Variants in RASGRF2 observed in about 807,000 individuals in gnomAD.
RASGRF2 encodes the protein ras-specific guanine nucleotide-releasing factor 2.
In RASGRF2, 76 loss-of-function variants were observed where a neutral mutation model predicts 151.0. The ratio of observed to expected loss-of-function variants is 0.50; its 90% CI spans 0.42 to 0.61. The LOEUF is 0.61. RASGRF2 is among the 20% of genes least tolerant of loss of function. The pLI, the probability that RASGRF2 is intolerant of heterozygous loss-of-function variation, is 0.00. For synonymous variants in RASGRF2, 504 were observed against 566.5 expected, an observed-to-expected ratio of 0.89 and a Z score of 1.57; for missense variants, 1,148 against 1,564.6, an observed-to-expected ratio of 0.73 and a Z score of 4.49.
chr5:80,965,172 A>G (rs1262586875), intron 1 of RASGRF2, among the ~76,000 whole-genome samples: 1 of 152,060 alleles, frequency 6.6e-6, no homozygotes, highest in African/African-American at 2.4e-5. Context: ...AATTGACCAC[A>G]AGCAGAGGAT....
chr5:81,208,831 G>A (rs576269729), intron 22 of RASGRF2, among the ~76,000 whole-genome samples: 14 of 152,048 alleles, frequency 9.2e-5, no homozygotes, highest in Non-Finnish European at 1.8e-4. Context: ...GATTACAGGC[G>A]TGAGCCACCG....
intron 16 of RASGRF2, among the ~76,000 whole-genome samples, chr5:81,125,690 C>G (rs779808815): frequency 2.0e-5 from 3 of 152,212 alleles, no homozygotes; most frequent in Non-Finnish European, 2.9e-5. Flanking sequence ...TATTAGAACT[C>G]TACTTTATAT....
intron 18 of RASGRF2, 120 bp downstream of exon 18, chr5:81,180,401 G>A (rs79215865): frequency 0.033 from 21,456 of 653,284 alleles, 447 homozygotes; most frequent in African/African-American, 0.052. Context: ...CTTGACACTG[G>A]AACTTAGGAA....
At chr5:81,197,462 CAAAA>C (rs10674027) in intron 18 of RASGRF2, among the ~76,000 whole-genome samples, 38 of 63,718 alleles carry the variant, frequency 6.0e-4, no homozygotes, top group Non-Finnish European at 8.4e-4. Flanking sequence ...GACTCCGTCT[CAAAA>C]AAAAAAAAAA....
At chr5:81,038,369 A>G (rs986264803) in intron 1 of RASGRF2, among the ~76,000 whole-genome samples, 1 of 151,998 alleles carries the variant, frequency 6.6e-6, no homozygotes, top group African/African-American at 2.4e-5. Flanking sequence ...CAGTATTGTC[A>G]GGTGTTTTAA....
chr5:81,123,657 C>T lies in RASGRF2; in HGVS notation c.2486C>T (p.Ala829Val), dbSNP rs1303314862. 1 of 1,613,694 alleles carries T rather than the reference C, an allele frequency of 6.2e-7. No individual in the cohort carries two copies. ...RSIQKAVLES[A>V]PADRAGVESS... ...TTTCAAGCAGCAGTCCTAGAGTCTG[C>T]ACCAGCGGACCGAGCAGGAGTGGAA... The change falls in exon 16 of 27, where the codon GCA becomes GTA. Residue 829 changes from alanine (A) to valine (V), a missense_variant. By Grantham distance (64) the Ala-to-Val change is moderately conservative. This residue lies in a region of RASGRF2 where 646 missense variants were observed against 807.4 expected (regional missense o/e 0.80). Transcript: ENST00000265080.
intron 15 of RASGRF2, among the ~76,000 whole-genome samples, chr5:81,120,522 G>T (rs191857845): frequency 6.6e-6 from 1 of 152,202 alleles, no homozygotes; most frequent in African/African-American, 2.4e-5. Context: ...GGTCAAGGAC[G>T]CAGTGAGCTC....
chr5:81,071,006 G>A (rs1751757721), intron 4 of RASGRF2, among the ~76,000 whole-genome samples: 1 of 152,126 alleles, frequency 6.6e-6, no homozygotes, highest in African/African-American at 2.4e-5. Context: ...TTATATTTCT[G>A]TTTTATTATT....
chr5:81,222,856 C>T (rs1755883007), intron 26 of RASGRF2, among the ~76,000 whole-genome samples: 1 of 151,216 alleles, frequency 6.6e-6, no homozygotes, highest in South Asian at 2.1e-4. Context: ...AGATTAAATA[C>T]TATAATTCAC....
At chr5:81,224,966 T>A (rs1561268280) in intron 26 of RASGRF2, among the ~76,000 whole-genome samples, 1 of 151,984 alleles carries the variant, frequency 6.6e-6, no homozygotes, top group Non-Finnish European at 1.5e-5. Context: ...ACATGGTGTA[T>A]ACATGTCAAA....
intron 9 of RASGRF2, chr5:81,088,660 A>G: frequency 6.6e-6 from 1 of 152,120 alleles, no homozygotes; most frequent in East Asian, 1.9e-4. Context: ...GTATGTGAGA[A>G]TGGAGACGAA....
At chr5:81,096,667 T>C (rs1752556327) in intron 12 of RASGRF2, among the ~76,000 whole-genome samples, 1 of 152,130 alleles carries the variant, frequency 6.6e-6, no homozygotes, top group Non-Finnish European at 1.5e-5. Context: ...TTAGCATGAC[T>C]GGGGAGACAT....
At chr5:81,099,548 G>A (rs1019612138) in intron 12 of RASGRF2, among the ~76,000 whole-genome samples, 3 of 152,114 alleles carry the variant, frequency 2.0e-5, no homozygotes, top group African/African-American at 2.4e-5. Context: ...ATGATTCCTA[G>A]TGTGACAGAC....
Position 81,073,214 on chromosome 5 carries a change from C to A in RASGRF2, c.649C>A (p.Arg217=). The A allele has an allele frequency of 6.2e-7, 1 of 1,613,728 alleles. No individual in the cohort carries two copies. The highest frequency in any genetic ancestry group is 1.1e-5 in the South Asian group (1 of 91,040). Residue 217 remains arginine (R), a synonymous_variant, in exon 5 of 27, where the codon CGA becomes AGA. Coordinates refer to ENST00000265080, the MANE Select transcript of RASGRF2 (RefSeq NM_006909.3). ...KKIKKVQSFM[R]GWLCRRKWKT... is the part of the protein sequence containing the mutation. ...TGTTCTGTAGGTTCAGAGCTTCATG[C>A]GAGGATGGTTGTGCAGAAGGAAATG...
chr5:81,012,400 C>A (rs1749492276), intron 1 of RASGRF2, among the ~76,000 whole-genome samples: 1 of 152,088 alleles, frequency 6.6e-6, no homozygotes, highest in Admixed American at 6.6e-5. Flanking sequence ...TACCACATAT[C>A]ATTTATTTAC....
chr5:81,127,081 G>A lies in RASGRF2; in HGVS notation c.2604G>A (p.Thr868=), dbSNP rs762420264. 11 of 1,613,968 alleles carry A rather than the reference G, an allele frequency of 6.8e-6. No individual in the cohort carries two copies. Among genetic ancestry groups the A allele is most frequent in the East Asian group, 2.2e-5 (1 of 44,880 alleles). ...TTCTTTTCAAATAACCAGGACAGAC[G>A]GCGGACAATGCCCACTGCTCTGTTT... ...HLRYRQPGGQ[T]ADNAHCSVSP... is the part of the protein sequence containing the mutation. Residue 868 remains threonine, a synonymous_variant, in exon 17 of 27, where the codon ACG becomes ACA. Coordinates refer to ENST00000265080, the MANE Select transcript of RASGRF2 (RefSeq NM_006909.3).
intron 12 of RASGRF2, among the ~76,000 whole-genome samples, chr5:81,100,278 A>G (rs1482592386): frequency 3.9e-5 from 6 of 152,106 alleles, no homozygotes. Context: ...ATTGTATTAT[A>G]CTAATCATAG....
chr5:81,001,305 C>A (rs1561547320), intron 1 of RASGRF2, among the ~76,000 whole-genome samples: 1 of 152,136 alleles, frequency 6.6e-6, no homozygotes, highest in Non-Finnish European at 1.5e-5. Flanking sequence ...GCTAATGAGG[C>A]TTTTGAGCGG....
chr5:81,095,177 T>C (rs1292743769), intron 12 of RASGRF2, among the ~76,000 whole-genome samples, 185 bp downstream of exon 12: 1 of 152,228 alleles, frequency 6.6e-6, no homozygotes, highest in Non-Finnish European at 1.5e-5. Context: ...TTGTTTCTCT[T>C]CTTAAGGTTA....
Sources: allele counts gnomAD v4.1 joint callset (sites outside exome capture counted in the v4.1 genomes callset), GRCh38; gene constraint gnomAD v4.1.1; regional missense constraint gnomAD v4.1.1; transcripts MANE v1.5; gene names NCBI Gene and HGNC (gene_info 2026-07-23, HGNC 2026-07-21).